The following COL22A1 variants were observed in gnomAD, a reference collection of about 807,000 sequenced individuals.
The protein encoded by COL22A1 is collagen alpha-1(XXII) chain.
A neutral mutation model predicts 248.9 loss-of-function variants in COL22A1; 221 were observed. The observed-to-expected ratio is 0.89, with a 90% confidence interval of 0.80 to 0.99. The LOEUF (loss-of-function observed/expected upper bound fraction) is 0.99. COL22A1 is among the 50% of genes least tolerant of loss of function. COL22A1 has a pLI of 0.00. For synonymous variants in COL22A1, 891 were observed against 793.4 expected (o/e 1.12, Z -2.07); for missense variants, 2,240 against 2,179.0 (o/e 1.03, Z -0.56).
At chr8:138,642,305 C>G (rs544802384) in intron 47 of COL22A1, among the ~76,000 whole-genome samples, 1 of 152,344 alleles carries the variant, frequency 6.6e-6, no homozygotes, top group Admixed American at 6.5e-5. Flanking sequence ...GTTTCCTCAT[C>G]TGTAAAGTGA....
intron 15 of COL22A1, 160 bp downstream of exon 15, chr8:138,778,193 A>T: frequency 2.6e-6 from 2 of 770,562 alleles, no homozygotes; most frequent in Non-Finnish European, 2.3e-6. Flanking sequence ...GTAACATCTA[A>T]TAATTTCTGG....
intron 50 of COL22A1, among the ~76,000 whole-genome samples, chr8:138,628,823 T>TG (rs1367092144): frequency 6.9e-6 from 1 of 144,802 alleles, no homozygotes; most frequent in East Asian, 2.1e-4. Flanking sequence ...TGGAGTGCGG[T>TG]GGCGCAATCT....
In COL22A1 at chr8:138,662,828, C is replaced by T. The variant is rs1161425032; in HGVS notation, c.3187-745G>A. Among the ~76,000 whole-genome samples the T allele has an allele frequency of 2.0e-5, 3 of 152,144 alleles. No homozygotes were observed. In the East Asian group the frequency reaches 5.8e-4, roughly 29 times the overall value. On this transcript the variant is annotated intron_variant, in intron 42 of 64. Transcript: ENST00000303045. Reference sequence around the variant, plus strand: ...AGTTCACTACGTAGTGCCTCAATTTCTTCATCTATAAAAATGGGTATAAGG... The same window carrying T: ...AGTTCACTACGTAGTGCCTCAATTTTTTCATCTATAAAAATGGGTATAAGG...
intron 3 of COL22A1, among the ~76,000 whole-genome samples, chr8:138,876,770 C>A (rs1823747027): frequency 6.6e-6 from 1 of 152,172 alleles, no homozygotes; most frequent in Non-Finnish European, 1.5e-5. Flanking sequence ...TGCCCCTGGC[C>A]AAGGTGTAAC....
chr8:138,676,134 C>T (rs1204990098), intron 41 of COL22A1, among the ~76,000 whole-genome samples: 4 of 152,138 alleles, frequency 2.6e-5, no homozygotes, highest in Admixed American at 6.5e-5. Flanking sequence ...CGGTGGCTCA[C>T]GTCTGTAATC....
rs151335865 is a variant in COL22A1 at position 138,675,322 on chromosome 8, G to C, written c.3150+1236C>G. On this transcript the variant is annotated intron_variant, in intron 41 of 64. Coordinates refer to ENST00000303045, the MANE Select transcript of COL22A1 (RefSeq NM_152888.3). The stretch of plus-strand genomic sequence containing the variant: ...GATTTTCTTTCACAAGTAATATTTT[G>C]GGTAATAAGTTGGATTTTCCTTCTT... 2.0e-4 allele frequency among the ~76,000 whole-genome samples: 31 copies of C among 152,240 alleles called. 2 individuals are homozygous for C. In the South Asian group the frequency reaches 4.6e-3, roughly 22 times the overall value.
At chr8:138,606,353 T>C (rs1818420744) in intron 58 of COL22A1, 28 bp downstream of exon 58, 2 of 1,599,076 alleles carry the variant, frequency 1.3e-6, no homozygotes, top group Non-Finnish European at 1.7e-6. Context: ...GCCAGGTATC[T>C]TGGGCCCCAC....
intron 50 of COL22A1, among the ~76,000 whole-genome samples, chr8:138,628,966 A>C (rs1189156667): frequency 6.6e-6 from 1 of 151,828 alleles, no homozygotes; most frequent in Non-Finnish European, 1.5e-5. Context: ...AGCGTTTCAC[A>C]GCCAGGCTGA....
chr8:138,873,431 G>A (rs996922105), intron 3 of COL22A1, among the ~76,000 whole-genome samples: 1 of 152,104 alleles, frequency 6.6e-6, no homozygotes, highest in Admixed American at 6.6e-5. Flanking sequence ...TAACTGTCAG[G>A]CCACTGCCCT....
At chr8:138,855,891 G>T (rs1821971164) in intron 3 of COL22A1, among the ~76,000 whole-genome samples, 1 of 152,162 alleles carries the variant, frequency 6.6e-6, no homozygotes, top group Non-Finnish European at 1.5e-5. Context: ...AGGACAGTGG[G>T]TCCTTCAATC....
At chr8:138,876,891 T>C (rs1563874614) in intron 3 of COL22A1, among the ~76,000 whole-genome samples, 1 of 152,154 alleles carries the variant, frequency 6.6e-6, no homozygotes, top group South Asian at 2.1e-4. Context: ...CTCCCGGGCC[T>C]GGAGGAGAAG....
At chr8:138,862,912 T>G (rs1027369528) in intron 3 of COL22A1, among the ~76,000 whole-genome samples, 4 of 152,132 alleles carry the variant, frequency 2.6e-5, no homozygotes, top group African/African-American at 9.7e-5. Context: ...GCATTGAATC[T>G]TCACAGTCAT....
At chr8:138,596,032 A>G (rs935359374) in intron 62 of COL22A1, among the ~76,000 whole-genome samples, 1 of 152,204 alleles carries the variant, frequency 6.6e-6, no homozygotes, top group African/African-American at 2.4e-5. Flanking sequence ...TAAGTTACTT[A>G]GCCCCTAATA....
At chr8:138,684,286 CT>C in intron 39 of COL22A1, 138 bp downstream of exon 39, 1 of 735,464 alleles carries the variant, frequency 1.4e-6, no homozygotes. Context: ...GTCCTAGAAC[CT>C]TTAGTCAAAT....
intron 48 of COL22A1, among the ~76,000 whole-genome samples, chr8:138,635,841 G>A (rs1267408519): frequency 6.6e-6 from 1 of 152,172 alleles, no homozygotes; most frequent in Non-Finnish European, 1.5e-5. Flanking sequence ...AGAGATTTTA[G>A]CCAAGGAGCT....
intron 45 of COL22A1, among the ~76,000 whole-genome samples, chr8:138,653,630 C>T (rs940421802): frequency 6.6e-6 from 1 of 152,116 alleles, no homozygotes; most frequent in Non-Finnish European, 1.5e-5. Context: ...TATGGACATT[C>T]ATTTAACAGG....
At chr8:138,615,494 GC>G (rs1448721257) in intron 55 of COL22A1, among the ~76,000 whole-genome samples, 2 of 148,088 alleles carry the variant, frequency 1.4e-5, no homozygotes, top group African/African-American at 5.0e-5. Context: ...TCACGCCAAT[GC>G]ACTTCAGCCT....
At chr8:138,589,687 C>CGATT in intron 64 of COL22A1, among the ~76,000 whole-genome samples, 2 of 152,066 alleles carry the variant, frequency 1.3e-5, no homozygotes, top group Non-Finnish European at 2.9e-5. Flanking sequence ...ATCCAGGTAC[C>CGATT]ACTGGAGAGA....
At chr8:138,646,402 A>G (rs750584401) in intron 47 of COL22A1, among the ~76,000 whole-genome samples, 13 of 152,184 alleles carry the variant, frequency 8.5e-5, no homozygotes, top group Admixed American at 4.6e-4. Flanking sequence ...CATGCATTTC[A>G]TACTTTCCAA....
Sources: gnomAD v4.1 joint callset for allele counts (sites outside exome capture counted in the v4.1 genomes callset) on GRCh38, gnomAD v4.1.1 for gene constraint, MANE v1.5 for transcripts, NCBI Gene and HGNC (gene_info 2026-07-23, HGNC 2026-07-21) for gene names.